The following ZNF730 variants were observed in gnomAD, a reference collection of about 807,000 sequenced individuals.
ZNF730 encodes zinc finger protein 730.
In ZNF730, 12 loss-of-function variants were observed where a neutral mutation model predicts 12.6. That is an observed-to-expected ratio of 0.95 (90% confidence interval 0.61 to 1.54). The LOEUF (loss-of-function observed/expected upper bound fraction) is 1.54, where lower values mean the gene tolerates loss of function less well. Among genes scored for constraint, ZNF730 ranks in the 40% most tolerant of loss-of-function variants. ZNF730 has a pLI of 0.00. For missense variants in ZNF730, 643 were observed against 583.5 expected, an observed-to-expected ratio of 1.10 and a Z score of -1.05; for synonymous variants, 194 against 195.8, an observed-to-expected ratio of 0.99 and a Z score of 0.08.
At chr19:23,137,845 A>G (rs1484650085) in intron 3 of ZNF730, among the ~76,000 whole-genome samples, 1 of 152,234 alleles carries the variant, frequency 6.6e-6, no homozygotes, top group Non-Finnish European at 1.5e-5. Flanking sequence ...ACTTGTTACA[A>G]GGGGCTTGGG....
At chr19:23,082,711 T>C (rs1969984568) in intron 1 of ZNF730, among the ~76,000 whole-genome samples, 1 of 152,076 alleles carries the variant, frequency 6.6e-6, no homozygotes, top group Non-Finnish European at 1.5e-5. Flanking sequence ...TTTTTTCATT[T>C]TTTTTTTGAG....
intron 1 of ZNF730, among the ~76,000 whole-genome samples, chr19:23,093,059 C>T (rs1025184724): frequency 6.6e-6 from 1 of 152,082 alleles, no homozygotes; most frequent in Non-Finnish European, 1.5e-5. Flanking sequence ...GGTGTGATTT[C>T]AGCTCACTGT....
At chr19:23,144,784 A>AT (rs560988922) in intron 3 of ZNF730, among the ~76,000 whole-genome samples, 8 of 150,934 alleles carry the variant, frequency 5.3e-5, no homozygotes, top group South Asian at 2.1e-4. Flanking sequence ...TGTAAAACTT[A>AT]TTTTTTTGTC....
chr19:23,082,257 AT>A (rs1453513592), intron 1 of ZNF730, among the ~76,000 whole-genome samples: 1 of 152,058 alleles, frequency 6.6e-6, no homozygotes, highest in African/African-American at 2.4e-5. Flanking sequence ...TATGAGTAAA[AT>A]TATGAGATCA....
rs779571411 is a variant in ZNF730, at chr19:23,145,367, A to T, written c.323A>T (p.His108Leu). 1.9e-6 allele frequency: 3 copies of T among 1,594,400 alleles called. No homozygotes were observed. The African/African-American group carries it at 4.0e-5, about 21-fold the overall frequency. Residue 108 changes from histidine (H) to leucine (L), a missense_variant, in exon 4 of 4, where the codon CAT becomes CTT. By Grantham distance (99) the His-to-Leu change is moderately conservative (BLOSUM62 -3). Transcript: ENST00000597761. ...CTGAGACAATATAAAAAATGTAGAC[A>T]TGAGAATTTACTGTTAAGAAAAGGC... ...VILRQYKKCR[H>L]ENLLLRKGCK...
chr19:23,123,577 C>G (rs1247252097), intron 1 of ZNF730: 1 of 90,522 alleles, frequency 1.1e-5, no homozygotes, highest in African/African-American at 4.1e-5. Context: ...GACTCCATCT[C>G]AAAAAAAAAA....
chr19:23,075,272 C>G (rs746958388), exon 1 of ZNF730: 1 of 152,810 alleles, frequency 6.5e-6, no homozygotes, highest in Non-Finnish European at 1.5e-5. Flanking sequence ...CGTCCTCTAC[C>G]TGGGAACCAC....
intron 1 of ZNF730, among the ~76,000 whole-genome samples, chr19:23,093,716 G>C (rs1245414051): frequency 6.6e-6 from 1 of 152,198 alleles, no homozygotes; most frequent in Non-Finnish European, 1.5e-5. Context: ...CCACCCCAGG[G>C]GTAGGGTGGT....
intron 1 of ZNF730, chr19:23,125,818 GT>G (rs1306874557): frequency 2.2e-5 from 4 of 183,076 alleles, no homozygotes; most frequent in South Asian, 1.3e-4. Context: ...CAGGATGATA[GT>G]TTTTTTGTTA....
intron 1 of ZNF730, among the ~76,000 whole-genome samples, chr19:23,078,134 G>T (rs1448337882): frequency 1.3e-5 from 2 of 152,120 alleles, no homozygotes; most frequent in Non-Finnish European, 2.9e-5. Context: ...GGAAAGACCT[G>T]ACCGTCCCCC....
intron 1 of ZNF730, among the ~76,000 whole-genome samples, chr19:23,079,452 C>A (rs898318651): frequency 6.6e-6 from 1 of 152,158 alleles, no homozygotes; most frequent in Non-Finnish European, 1.5e-5. Flanking sequence ...CCACCGCGCC[C>A]GGCCTATTGC....
At chr19:23,094,513 A>G (rs1002767567) in intron 1 of ZNF730, among the ~76,000 whole-genome samples, 1 of 151,576 alleles carries the variant, frequency 6.6e-6, no homozygotes, top group East Asian at 1.9e-4. Flanking sequence ...ATGGAATTTC[A>G]CTCTTGTCAC....
At chr19:23,122,644 A>G (rs909731962) in intron 1 of ZNF730, among the ~76,000 whole-genome samples, 7 of 152,368 alleles carry the variant, frequency 4.6e-5, no homozygotes, top group African/African-American at 1.4e-4. Flanking sequence ...TTCACTAAAT[A>G]GTGGAATCTG....
At chr19:23,116,715 C>T (rs1409997625), upstream of ZNF730, among the ~76,000 whole-genome samples, 1 of 152,058 alleles carries the variant, frequency 6.6e-6, no homozygotes, top group African/African-American at 2.4e-5. Context: ...GCCACCGCGC[C>T]CGGTCTATGT....
chr19:23,081,544 T>G lies in ZNF730; in HGVS notation c.-94+6157T>G, dbSNP rs545207841. Among the ~76,000 whole-genome samples, 50 of 152,236 alleles carry G rather than the reference T, an allele frequency of 3.3e-4. No homozygotes were observed. In the South Asian group the frequency reaches 4.8e-3, roughly 15 times the overall value. On this transcript the variant is annotated intron_variant, in intron 1 of 2. Coordinates refer to the ZNF730 transcript ENST00000593635. ...CATGTTGGCCAGGCTGGTCTCAAAT[T>G]CCTGACCCCAGGTGATCCACCCGCC...
Position 23,105,636 on chromosome 19 carries a change from C to T in ZNF730, c.-93-28444C>T, listed in dbSNP as rs528138672. 1.5e-4 allele frequency among the ~76,000 whole-genome samples: 23 copies of T among 152,192 alleles called. No homozygotes were observed. The South Asian group carries it at 3.9e-3, about 26-fold the overall frequency. On this transcript the variant is annotated intron_variant, in intron 1 of 2. Coordinates refer to the ZNF730 transcript ENST00000593635. ...AAAATGATACAGTAAAACAATTTAA[C>T]GGTTTATTGTAATGTTATATATACA...
chr19:23,101,962 A>G (rs1044977186), intron 1 of ZNF730, among the ~76,000 whole-genome samples: 3 of 152,114 alleles, frequency 2.0e-5, no homozygotes, highest in African/African-American at 7.2e-5. Flanking sequence ...CCCTTCACTC[A>G]GGTTATGTGA....
chr19:23,092,424 ATC>A (rs1970174413), intron 1 of ZNF730, among the ~76,000 whole-genome samples: 1 of 150,190 alleles, frequency 6.7e-6, no homozygotes, highest in Non-Finnish European at 1.5e-5. Flanking sequence ...GAGAAGCCCC[ATC>A]TCTCTTAAAA....
intron 3 of ZNF730, among the ~76,000 whole-genome samples, chr19:23,143,101 G>A (rs111654903): frequency 2.6e-5 from 4 of 152,072 alleles, no homozygotes; most frequent in South Asian, 2.1e-4. Context: ...AAAATTAGCC[G>A]GGCGTGGTGG....
Sources: gnomAD v4.1 joint callset for allele counts (sites outside exome capture counted in the v4.1 genomes callset) on GRCh38, gnomAD v4.1.1 for gene constraint, MANE v1.5 for transcripts, NCBI Gene and HGNC (gene_info 2026-07-23, HGNC 2026-07-21) for gene names.